PCDH9: variants seen among roughly 807,000 people sequenced by gnomAD.
The protein encoded by PCDH9 is protocadherin-9.
PCDH9 carries 24 observed loss-of-function variants against 70.6 expected under a neutral mutation model. That is an observed-to-expected ratio of 0.34 (90% CI 0.25 to 0.48). The LOEUF is 0.48. Among genes scored for constraint, PCDH9 ranks in the 20% least tolerant of loss-of-function variants. The probability of loss-of-function intolerance (pLI) is 0.99; values close to 1 mark genes in which losing one functional copy is unlikely to be tolerated. For missense variants in PCDH9, 1,281 were observed against 1,503.6 expected (o/e 0.85, Z 2.45); for synonymous variants, 562 against 558.5 (o/e 1.01, Z -0.09).
intron 2 of PCDH9, among the ~76,000 whole-genome samples, chr13:67,066,892 A>G (rs2085658946): frequency 6.6e-6 from 1 of 152,164 alleles, no homozygotes; most frequent in Non-Finnish European, 1.5e-5. Context: ...GATTATATGC[A>G]TATGCACTTA....
chr13:66,721,899 C>T (rs2078945903), intron 3 of PCDH9, among the ~76,000 whole-genome samples: 1 of 152,186 alleles, frequency 6.6e-6, no homozygotes, highest in South Asian at 2.1e-4. Context: ...TCTCCCAGAA[C>T]CTCCAATGAC....
At chr13:66,890,861 A>G (rs1031000772) in intron 3 of PCDH9, among the ~76,000 whole-genome samples, 2 of 152,030 alleles carry the variant, frequency 1.3e-5, no homozygotes. Context: ...TAACTCTGTC[A>G]GTGTAATTTT....
intron 2 of PCDH9, among the ~76,000 whole-genome samples, chr13:67,183,564 A>C (rs1225643229): frequency 6.6e-6 from 1 of 152,158 alleles, no homozygotes; most frequent in Non-Finnish European, 1.5e-5. Flanking sequence ...TAATTACAAC[A>C]CTTTTGTATA....
intron 4 of PCDH9, among the ~76,000 whole-genome samples, chr13:66,531,472 C>T (rs1041291393): frequency 2.3e-4 from 35 of 152,114 alleles, no homozygotes; most frequent in African/African-American, 8.2e-4. Flanking sequence ...TTAAAATAAA[C>T]GGATAGTATG....
chr13:66,909,284 T>TA (rs973173877), intron 2 of PCDH9, among the ~76,000 whole-genome samples: 2 of 151,764 alleles, frequency 1.3e-5, no homozygotes, highest in Non-Finnish European at 1.5e-5. Flanking sequence ...AAACCCTGAT[T>TA]AAAAAAAATC....
At chr13:66,839,752 T>C (rs1490607032) in intron 3 of PCDH9, among the ~76,000 whole-genome samples, 1 of 152,210 alleles carries the variant, frequency 6.6e-6, no homozygotes, top group Non-Finnish European at 1.5e-5. Flanking sequence ...AGTTCTGATG[T>C]GCATCGTAAA....
chr13:66,547,979 G>A (rs1961291253), intron 4 of PCDH9, among the ~76,000 whole-genome samples: 1 of 148,716 alleles, frequency 6.7e-6, no homozygotes, highest in Non-Finnish European at 1.5e-5. Context: ...ACAGTGAGAT[G>A]TATAGAAGCT....
At chr13:66,337,597 TAAAA>T (rs1391922022) in intron 4 of PCDH9, among the ~76,000 whole-genome samples, 11 of 52,000 alleles carry the variant, frequency 2.1e-4, no homozygotes, top group Non-Finnish European at 4.9e-4. Flanking sequence ...AGGTACTTGT[TAAAA>T]CAAACAAACA....
chr13:67,060,221 G>A (rs970049593), intron 2 of PCDH9, among the ~76,000 whole-genome samples: 2 of 152,040 alleles, frequency 1.3e-5, no homozygotes, highest in African/African-American at 4.8e-5. Flanking sequence ...AAAAGAGATC[G>A]TCCATGGTGA....
chr13:67,227,476 T>A lies in PCDH9; in HGVS notation c.965A>T (p.Glu322Val). The change falls in exon 2 of 5, where the codon GAG (glutamate) becomes GTG (valine). Residue 322 changes from glutamate (E) to valine (V), a missense_variant. Glu to Val is a moderately radical substitution (Grantham distance 121). Coordinates refer to ENST00000377865, the MANE Select transcript of PCDH9 (RefSeq NM_203487.3). This position sits in a 1 kb window ranked among gnomAD's most constrained non-coding sequence, Gnocchi z 4.6. ...ITVQRSLDRE[E>V]TAIHKVTVLA... ...CACTGTCACTTTGTGAATGGCTGTC[T>A]CCTCTCTATCTAAGGACCTCTGAAC... 1.9e-6 allele frequency: 3 copies of A among 1,613,908 alleles called. No individual in the cohort carries two copies. Among genetic ancestry groups the A allele is most frequent in the Non-Finnish European group, 2.5e-6 (3 of 1,179,866 alleles).
intron 2 of PCDH9, among the ~76,000 whole-genome samples, chr13:67,149,964 TAA>T (rs1594579125): frequency 6.6e-6 from 1 of 152,186 alleles, no homozygotes; most frequent in Admixed American, 6.5e-5. Flanking sequence ...ATTTCAAAAA[TAA>T]AAGTCTTTTC....
At chr13:67,071,298 T>C (rs2085757195) in intron 2 of PCDH9, among the ~76,000 whole-genome samples, 3 of 152,068 alleles carry the variant, frequency 2.0e-5, no homozygotes, top group Admixed American at 6.6e-5. Flanking sequence ...AGAAGAAACA[T>C]AAAAGGCTAA....
intron 3 of PCDH9, among the ~76,000 whole-genome samples, chr13:66,771,737 G>A (rs906720125): frequency 1.3e-5 from 2 of 152,090 alleles, no homozygotes; most frequent in Non-Finnish European, 2.9e-5. Flanking sequence ...ATATACATTA[G>A]GCAAATTGAT....
At chr13:67,215,260 C>T (rs2089575620) in intron 2 of PCDH9, 1 of 151,802 alleles carries the variant, frequency 6.6e-6, no homozygotes, top group Non-Finnish European at 1.5e-5. Flanking sequence ...GTTTATCTTT[C>T]TAAAATTAAT....
At chr13:66,454,662 G>A (rs1298659020) in intron 4 of PCDH9, among the ~76,000 whole-genome samples, 1 of 152,166 alleles carries the variant, frequency 6.6e-6, no homozygotes, top group Non-Finnish European at 1.5e-5. Flanking sequence ...TGAAGTAAAG[G>A]TCAGGGGTTA....
chr13:66,707,818 A>G (rs998816925), intron 3 of PCDH9, among the ~76,000 whole-genome samples: 1 of 152,292 alleles, frequency 6.6e-6, no homozygotes, highest in Non-Finnish European at 1.5e-5. Context: ...AACCAATGTA[A>G]TACTCAAAAT....
intron 3 of PCDH9, among the ~76,000 whole-genome samples, chr13:66,682,373 TATCTATCTATCTATCTATCTATCTATC>T (rs2078338211): frequency 1.3e-5 from 1 of 75,102 alleles, no homozygotes; most frequent in Non-Finnish European, 3.4e-5. Context: ...TCTATCTATC[TATCTATCTATCTATCTATCTATCTATC>T]ATCTATCATC....
intron 3 of PCDH9, among the ~76,000 whole-genome samples, chr13:66,743,421 C>T (rs1443354987): frequency 6.8e-6 from 1 of 146,114 alleles, no homozygotes. Context: ...GTGCAGCGCA[C>T]CAGCATGGCA....
chr13:66,622,900 C>T (rs1368346275), intron 4 of PCDH9, among the ~76,000 whole-genome samples: 3 of 152,174 alleles, frequency 2.0e-5, no homozygotes, highest in African/African-American at 7.2e-5. Flanking sequence ...TAACACTCAC[C>T]GCAAAGGTCT....
Sources: gnomAD v4.1 joint callset for allele counts (sites outside exome capture counted in the v4.1 genomes callset) on GRCh38, gnomAD v4.1.1 for gene constraint, Gnocchi (gnomAD v3.1) non-coding constraint, MANE v1.5 for transcripts, NCBI Gene and HGNC (gene_info 2026-07-23, HGNC 2026-07-21) for gene names.